Variants in KALRN observed in about 807,000 individuals in gnomAD.
KALRN encodes the protein kalirin RhoGEF kinase, also known as kalirin.
A neutral mutation model predicts 353.7 loss-of-function variants in KALRN; 70 were observed. The observed-to-expected ratio is 0.20, with a 90% CI of 0.16 to 0.24. The LOEUF is 0.24. Ranked by LOEUF, KALRN falls within the 10% of genes least tolerant of loss-of-function variation. KALRN has a pLI of 1.00. For missense variants in KALRN, 2,791 were observed against 3,756.7 expected (o/e 0.74, Z 6.72); for synonymous variants, 1,391 against 1,434.8 (o/e 0.97, Z 0.69).
intron 33 of KALRN, among the ~76,000 whole-genome samples, chr3:124,521,641 G>C (rs1477002104): frequency 1.3e-5 from 2 of 152,022 alleles, no homozygotes; most frequent in East Asian, 3.9e-4. Context: ...AAAACAGAGA[G>C]TATTTTGAAA....
chr3:124,190,696 A>T (rs1455006809), intron 1 of KALRN, among the ~76,000 whole-genome samples: 2 of 152,210 alleles, frequency 1.3e-5, no homozygotes, highest in Non-Finnish European at 2.9e-5. Flanking sequence ...TTCTGTCTGT[A>T]GTTACAGTAG....
At chr3:124,461,404 G>A (rs2059846623) in intron 23 of KALRN, among the ~76,000 whole-genome samples, 1 of 151,374 alleles carries the variant, frequency 6.6e-6, no homozygotes, top group South Asian at 2.1e-4. Context: ...CTCTTTTCCT[G>A]GCTTTGAAAC....
At chr3:124,616,965 CAAAAAAA>C (rs10707283) in intron 34 of KALRN, among the ~76,000 whole-genome samples, 10 of 125,630 alleles carry the variant, frequency 8.0e-5, no homozygotes, top group Non-Finnish European at 1.5e-4. Context: ...ACTCCATCTC[CAAAAAAA>C]AAAAAAAAAA....
intron 1 of KALRN, among the ~76,000 whole-genome samples, chr3:124,036,536 C>T (rs769443625): frequency 4.6e-5 from 7 of 151,778 alleles, no homozygotes; most frequent in Non-Finnish European, 7.4e-5. Flanking sequence ...TATGCATATG[C>T]GTTGGTGGAG....
intron 33 of KALRN, among the ~76,000 whole-genome samples, chr3:124,554,525 C>T (rs1490627771): frequency 6.6e-6 from 1 of 152,162 alleles, no homozygotes; most frequent in East Asian, 1.9e-4. Context: ...ACAACTTTTT[C>T]CCTTTATGTA....
rs1249613684 is a variant in KALRN at position 124,130,725 on chromosome 3, C to G, written c.73+96912C>G. Among the ~76,000 whole-genome samples the G allele has an allele frequency of 6.6e-5, 10 of 152,194 alleles. No individual in the cohort carries two copies. The East Asian group carries it at 1.7e-3, about 26-fold the overall frequency. ...CATAACAGCCTCAAACTGGAAACAA[C>G]CAAAATGTTGTTTCCAACAACAGTA... On this transcript the variant is annotated intron_variant, in intron 1 of 59. Coordinates refer to ENST00000682506, the MANE Select transcript of KALRN (RefSeq NM_001388419.1).
intron 34 of KALRN, among the ~76,000 whole-genome samples, chr3:124,612,730 G>A (rs189421567): frequency 1.3e-5 from 2 of 152,260 alleles, no homozygotes; most frequent in Admixed American, 1.3e-4. Context: ...ACCCTAACTA[G>A]AATGACAAGT....
intron 14 of KALRN, among the ~76,000 whole-genome samples, chr3:124,416,186 A>G (rs1260742197): frequency 1.3e-5 from 2 of 152,308 alleles, no homozygotes; most frequent in South Asian, 2.1e-4. Context: ...CAGCAGGAAA[A>G]GGAGGCTTGT....
At chr3:124,271,716 G>T (rs771979307) in intron 5 of KALRN, among the ~76,000 whole-genome samples, 1 of 152,176 alleles carries the variant, frequency 6.6e-6, no homozygotes, top group Non-Finnish European at 1.5e-5. Flanking sequence ...CCACCTGTTA[G>T]CCCCTAGGTC....
chr3:124,333,843 G>T (rs61703893), intron 8 of KALRN, among the ~76,000 whole-genome samples: 1 of 152,094 alleles, frequency 6.6e-6, no homozygotes. Context: ...AGCCGAGATC[G>T]CACCATTGAT....
chr3:124,255,342 T>A (rs1045333337), intron 3 of KALRN, among the ~76,000 whole-genome samples: 3 of 152,220 alleles, frequency 2.0e-5, no homozygotes, highest in Non-Finnish European at 4.4e-5. Context: ...AGACTTATCA[T>A]AACTTGCATT....
chr3:124,382,260 A>G (rs972974369), intron 10 of KALRN, among the ~76,000 whole-genome samples: 2 of 152,146 alleles, frequency 1.3e-5, no homozygotes, highest in Admixed American at 1.3e-4. Flanking sequence ...ATTAGCTACT[A>G]TTATTCTGTT....
intron 47 of KALRN, among the ~76,000 whole-genome samples, chr3:124,670,888 G>A (rs551071147): frequency 7.3e-4 from 111 of 152,176 alleles, no homozygotes; most frequent in Non-Finnish European, 1.3e-3. Flanking sequence ...GCCATCCTCC[G>A]AGTCTCCAAA....
chr3:124,328,623 C>T (rs1560577686), intron 7 of KALRN, among the ~76,000 whole-genome samples: 2 of 152,160 alleles, frequency 1.3e-5, no homozygotes, highest in Admixed American at 6.5e-5. Flanking sequence ...TCCAGAATTG[C>T]TTAGAAATGG....
intron 5 of KALRN, among the ~76,000 whole-genome samples, chr3:124,286,078 C>CCTTCCTTT (rs768855768): frequency 3.7e-5 from 4 of 106,936 alleles, no homozygotes; most frequent in Admixed American, 9.8e-5. Flanking sequence ...TTCTTTCTTT[C>CCTTCCTTT]CTTCCTTTCT....
intron 34 of KALRN, among the ~76,000 whole-genome samples, chr3:124,616,751 G>A (rs1393439214): frequency 2.0e-5 from 3 of 152,122 alleles, no homozygotes; most frequent in Non-Finnish European, 4.4e-5. Flanking sequence ...GGATCATGAG[G>A]TCAGGAGATC....
At chr3:124,425,374 A>T (rs988590682) in intron 15 of KALRN, among the ~76,000 whole-genome samples, 3 of 152,248 alleles carry the variant, frequency 2.0e-5, no homozygotes, top group African/African-American at 7.2e-5. Context: ...TATCCCATAA[A>T]TATGTACAAT....
Position 124,413,681 on chromosome 3 carries a change from C to T in KALRN, c.2542+16C>T, listed in dbSNP as rs765930341. Reference sequence around the variant, plus strand: ...CAGGCATCAGGTGGGTGACCTCGCTCATTCTCCTGGCAGAGGAGATGATGA... The same window carrying T: ...CAGGCATCAGGTGGGTGACCTCGCTTATTCTCCTGGCAGAGGAGATGATGA... On this transcript the variant is annotated intron_variant, in intron 14 of 59. Transcript: ENST00000682506. 6.2e-6 allele frequency: 10 copies of T among 1,605,856 alleles called. No individual in the cohort carries two copies. Among genetic ancestry groups the T allele is most frequent in the Admixed American group, 3.3e-5 (2 of 59,780 alleles).
intron 1 of KALRN, among the ~76,000 whole-genome samples, chr3:124,173,033 G>A (rs1335897924): frequency 1.3e-5 from 2 of 152,034 alleles, no homozygotes; most frequent in Non-Finnish European, 2.9e-5. Flanking sequence ...ATAATAACTG[G>A]CCTAAGGTCA....
Sources: allele counts gnomAD v4.1 joint callset (sites outside exome capture counted in the v4.1 genomes callset), GRCh38; gene constraint gnomAD v4.1.1; transcripts MANE v1.5; gene names NCBI Gene and HGNC (gene_info 2026-07-23, HGNC 2026-07-21).